LPIN1: variants seen among roughly 807,000 people sequenced by gnomAD.
LPIN1 encodes lipin 1.
In LPIN1, 71 loss-of-function variants were observed where a neutral mutation model predicts 107.5. The ratio of observed to expected loss-of-function variants is 0.66; its 90% CI spans 0.55 to 0.80. LPIN1 has a LOEUF of 0.80. Among genes scored for constraint, LPIN1 ranks in the 30% least tolerant of loss-of-function variants. The pLI is 0.00. For synonymous variants in LPIN1, 445 were observed against 452.6 expected (o/e 0.98, Z 0.21); for missense variants, 1,043 against 1,160.6 (o/e 0.90, Z 1.47).
intron 1 of LPIN1, among the ~76,000 whole-genome samples, chr2:11,756,145 T>C (rs916290328): frequency 2.6e-5 from 4 of 152,226 alleles, no homozygotes; most frequent in African/African-American, 4.8e-5. Flanking sequence ...GCCAGTCTTA[T>C]ATATAATTAG....
chr2:11,757,770 T>C (rs1668900313), intron 1 of LPIN1, among the ~76,000 whole-genome samples: 2 of 151,770 alleles, frequency 1.3e-5, no homozygotes, highest in Non-Finnish European at 1.5e-5. Context: ...AAATGAGTTC[T>C]GGTTAATACA....
chr2:11,776,711 G>T (rs944221103), intron 6 of LPIN1, among the ~76,000 whole-genome samples: 68 of 152,338 alleles, frequency 4.5e-4, no homozygotes, highest in African/African-American at 1.6e-3. Flanking sequence ...GAATCTTGGA[G>T]AATGGCCTGG....
At chr2:11,712,102 G>T (rs1329328991) in intron 1 of LPIN1, among the ~76,000 whole-genome samples, 1 of 152,212 alleles carries the variant, frequency 6.6e-6, no homozygotes, top group African/African-American at 2.4e-5. Flanking sequence ...TCGCCATGCC[G>T]GCCTCACTCA....
intron 2 of LPIN1, chr2:11,741,500 C>A: frequency 8.2e-7 from 1 of 1,214,406 alleles, no homozygotes; most frequent in Non-Finnish European, 1.2e-6. Context: ...TATTGTTTGG[C>A]AACTGCAAGG....
In LPIN1 at chr2:11,765,564, C is replaced by T; in HGVS notation, c.23C>T (p.Ala8Val). Residue 8 changes from alanine (A) to valine (V), a missense_variant, in exon 2 of 21, where the codon GCC becomes GTC. Physicochemically the swap from Ala to Val is moderately conservative, Grantham distance 64. Coordinates refer to ENST00000674199, the MANE Select transcript of LPIN1 (RefSeq NM_001349206.2). The surrounding 1 kb of genome is among the most constrained non-coding windows in gnomAD (Gnocchi z 4.4). ...ACCATGAATTACGTGGGGCAGTTAG[C>T]CGGCCAGGTGTTTGTCACCGTGAAG... MNYVGQL[A>V]GQVFVTVKEL... 6.2e-7 allele frequency: 1 copy of T among 1,613,914 alleles called. No individual in the cohort carries two copies. The highest frequency in any genetic ancestry group is 8.5e-7 in the Non-Finnish European group (1 of 1,179,840).
At position 11,773,729 on chromosome 2, in the gene LPIN1, T is replaced by C. The variant is rs1280771740; in HGVS notation, c.706T>C (p.Trp236Arg). The C allele has an allele frequency of 6.2e-7, 1 of 1,613,886 alleles. No homozygotes were observed. Among genetic ancestry groups the C allele is most frequent in the Non-Finnish European group, 8.5e-7 (1 of 1,179,956 alleles). ...CTCATACCCTAATTCGGATAGAGAG[T>C]GGTCACCCACTCCCAGGTAAGCTGT... is the stretch of plus-strand genomic sequence containing the variant. ...SASYPNSDRE[W>R]SPTPSSLVDC... Residue 236 changes from tryptophan (W) to arginine (R), a missense_variant, in exon 5 of 21, where the codon TGG becomes CGG. Transcript: ENST00000674199.
At chr2:11,758,361 C>T (rs1307645982) in intron 1 of LPIN1, among the ~76,000 whole-genome samples, 1 of 152,050 alleles carries the variant, frequency 6.6e-6, no homozygotes, top group African/African-American at 2.4e-5. Flanking sequence ...TGAAGTGGCT[C>T]CACATTTTAC....
At chr2:11,788,995 A>T (rs1313847021) in intron 12 of LPIN1, among the ~76,000 whole-genome samples, 1 of 152,202 alleles carries the variant, frequency 6.6e-6, no homozygotes, top group Non-Finnish European at 1.5e-5. Context: ...GAGGGCAGCC[A>T]CGCCACCTGC....
chr2:11,713,120 A>C (rs766822681), intron 1 of LPIN1, among the ~76,000 whole-genome samples: 42 of 152,252 alleles, frequency 2.8e-4, no homozygotes, highest in Non-Finnish European at 4.8e-4. Flanking sequence ...TTTCTCATGC[A>C]GCCTGACCTT....
In LPIN1 at chr2:11,805,070, A is replaced by T; in HGVS notation, c.2163A>T (p.Arg721Ser). 6.3e-7 allele frequency: 1 copy of T among 1,597,474 alleles called. No homozygotes were observed. The highest frequency in any genetic ancestry group is 8.6e-7 in the Non-Finnish European group (1 of 1,165,724). ...IISDIDGTIT[R>S]SDTLGHILPT... Reference sequence around the variant, plus strand: ...TTTTTCTCTTTTCCTCTTCATTTAGATCAGATACTCTTGGCCACATTTTGC... The same window carrying T: ...TTTTTCTCTTTTCCTCTTCATTTAGTTCAGATACTCTTGGCCACATTTTGC... Residue 721 changes from arginine to serine, a missense_variant and splice_region_variant, in exon 17 of 21, where the codon AGA (arginine) becomes AGT (serine). Transcript: ENST00000674199.
intron 1 of LPIN1, among the ~76,000 whole-genome samples, chr2:11,708,561 A>G (rs7573725): frequency 0.15 from 23,415 of 152,100 alleles, 1,996 homozygotes; most frequent in East Asian, 0.3. Flanking sequence ...CTCCTGGGCA[A>G]TGGGGAGCCA....
intron 1 of LPIN1, among the ~76,000 whole-genome samples, chr2:11,757,513 G>C (rs772905905): frequency 2.6e-5 from 4 of 152,132 alleles, no homozygotes; most frequent in African/African-American, 9.7e-5. Context: ...GTTTATTCTT[G>C]TATTCTTTAA....
intron 1 of LPIN1, among the ~76,000 whole-genome samples, chr2:11,739,840 C>T (rs1039720738): frequency 3.9e-5 from 6 of 152,144 alleles, no homozygotes; most frequent in Admixed American, 1.3e-4. Context: ...GGTGTTAAAA[C>T]GGCTACTATT....
intron 20 of LPIN1, 99 bp downstream of exon 20, chr2:11,820,613 A>G (rs1476091498): frequency 1.5e-5 from 12 of 799,478 alleles, no homozygotes; most frequent in Middle Eastern, 4.5e-4. Context: ...TTTGCTGCCT[A>G]TATGTTAATC....
intron 1 of LPIN1, among the ~76,000 whole-genome samples, chr2:11,695,325 G>A (rs1334855331): frequency 6.6e-6 from 1 of 152,222 alleles, no homozygotes; most frequent in Non-Finnish European, 1.5e-5. Flanking sequence ...TTCGGACAGG[G>A]AAGGGCCAAC....
At chr2:11,677,845 C>T (rs558753301) in intron 1 of LPIN1, 13 of 890,402 alleles carry the variant, frequency 1.5e-5, no homozygotes, top group East Asian at 2.6e-5. Flanking sequence ...GCGCCTTGTT[C>T]GGGATGGGTT....
In LPIN1 at chr2:11,782,335, G is replaced by T; in HGVS notation, c.1092G>T (p.Gly364=). The change falls in exon 8 of 21, where the codon GGG becomes GGT. Residue 364 remains glycine, a synonymous_variant. Coordinates refer to ENST00000674199, the MANE Select transcript of LPIN1 (RefSeq NM_001349206.2). ...ACCAATCGCCAACTCTGGTCGGTGGGGCACTTTTGGACCAGAACAAGCCTC... is the reference window on the plus strand; with the variant it reads ...ACCAATCGCCAACTCTGGTCGGTGGTGCACTTTTGGACCAGAACAAGCCTC... ...FSDQSPTLVG[G]ALLDQNKPQT... The T allele has an allele frequency of 6.2e-7, 1 of 1,614,170 alleles. No individual in the cohort carries two copies. The highest frequency in any genetic ancestry group is 1.1e-5 in the South Asian group (1 of 91,084).
At chr2:11,728,237 G>A (rs150420339) in intron 1 of LPIN1, among the ~76,000 whole-genome samples, 67 of 152,272 alleles carry the variant, frequency 4.4e-4, no homozygotes, top group East Asian at 3.7e-3. Flanking sequence ...TCACAGTTCC[G>A]TGCTAATATT....
intron 1 of LPIN1, among the ~76,000 whole-genome samples, chr2:11,706,582 T>A (rs1411978405): frequency 1.3e-5 from 2 of 152,214 alleles, no homozygotes; most frequent in East Asian, 3.8e-4. Flanking sequence ...ATTAAGCTCA[T>A]TTTATAACTG....
Sources: allele counts gnomAD v4.1 joint callset (sites outside exome capture counted in the v4.1 genomes callset), GRCh38; gene constraint gnomAD v4.1.1; non-coding constraint Gnocchi (gnomAD v3.1); transcripts MANE v1.5; gene names NCBI Gene and HGNC (gene_info 2026-07-23, HGNC 2026-07-21).